The following PTPRM variants were observed in gnomAD, a reference collection of about 807,000 sequenced individuals.
The protein encoded by PTPRM is receptor-type tyrosine-protein phosphatase mu.
A neutral mutation model predicts 186.7 loss-of-function variants in PTPRM; 47 were observed. That is an observed-to-expected ratio of 0.25 (90% CI 0.20 to 0.32). PTPRM has a LOEUF of 0.32. PTPRM is among the 10% of genes least tolerant of loss of function. The pLI is 1.00. For missense variants in PTPRM, 1,494 were observed against 1,865.0 expected, an observed-to-expected ratio of 0.80 and a Z score of 3.66; for synonymous variants, 668 against 674.9, an observed-to-expected ratio of 0.99 and a Z score of 0.16.
chr18:7,853,624 C>G (rs2046966113), intron 2 of PTPRM, among the ~76,000 whole-genome samples: 1 of 152,164 alleles, frequency 6.6e-6, no homozygotes, highest in Non-Finnish European at 1.5e-5. Context: ...CTCTTCTTCT[C>G]AAACAGTTAT....
intron 1 of PTPRM, among the ~76,000 whole-genome samples, chr18:7,753,947 C>T (rs1262509322): frequency 6.6e-6 from 1 of 152,026 alleles, no homozygotes; most frequent in African/African-American, 2.4e-5. Flanking sequence ...ACTTTTGACC[C>T]ATCTCCTCCT....
At position 7,944,620 on chromosome 18, in the gene PTPRM, G is replaced by T. The variant is rs1445152795; in HGVS notation, c.664-4561G>T. On this transcript the variant is annotated intron_variant, in intron 5 of 32. Transcript: ENST00000580170. ...CTTCTGTTCTTGCCATATGGGATAA[G>T]TTATACTTCCCTTAGAGTTCCCCTA... 1.7e-4 allele frequency among the ~76,000 whole-genome samples: 26 copies of T among 152,276 alleles called. No homozygotes were observed. In the East Asian group the frequency reaches 2.9e-3, roughly 17 times the overall value.
chr18:8,073,069 T>A (rs1228970334), intron 8 of PTPRM, among the ~76,000 whole-genome samples: 1 of 152,176 alleles, frequency 6.6e-6, no homozygotes, highest in African/African-American at 2.4e-5. Context: ...CCTAACATGA[T>A]TTTGAATACC....
chr18:8,203,369 GT>G (rs141517714), intron 14 of PTPRM, among the ~76,000 whole-genome samples: 20,060 of 152,190 alleles, frequency 0.13, 1,726 homozygotes, highest in Middle Eastern at 0.34. Context: ...AATTTCGGAA[GT>G]TTTTGTAGAA....
At chr18:8,153,343 T>G (rs2093053126) in intron 14 of PTPRM, among the ~76,000 whole-genome samples, 6 of 152,186 alleles carry the variant, frequency 3.9e-5, no homozygotes, top group Admixed American at 3.9e-4. Flanking sequence ...TGATTCTACC[T>G]GGGTCTCTCT....
At chr18:8,264,102 A>T (rs1271023713) in intron 19 of PTPRM, among the ~76,000 whole-genome samples, 2 of 152,168 alleles carry the variant, frequency 1.3e-5, no homozygotes, top group Non-Finnish European at 2.9e-5. Context: ...AGCGAATGAG[A>T]GGAAACAGAG....
chr18:7,989,891 C>G (rs929982419), intron 7 of PTPRM, among the ~76,000 whole-genome samples: 2 of 152,128 alleles, frequency 1.3e-5, no homozygotes, highest in South Asian at 4.2e-4. Context: ...TTTTGCCTGA[C>G]ATTTTCTTCC....
intron 1 of PTPRM, among the ~76,000 whole-genome samples, chr18:7,707,945 A>G (rs974660674): frequency 1.3e-5 from 2 of 152,202 alleles, no homozygotes; most frequent in Non-Finnish European, 2.9e-5. Flanking sequence ...TGATCCCAAA[A>G]GTTGACATTC....
intron 14 of PTPRM, among the ~76,000 whole-genome samples, chr18:8,211,298 C>T (rs1258357442): frequency 6.7e-6 from 1 of 149,664 alleles, no homozygotes; most frequent in East Asian, 2.0e-4. Flanking sequence ...GTCTCAGTGG[C>T]ACAGTCATCT....
At chr18:7,653,910 C>A (rs181518001) in intron 1 of PTPRM, among the ~76,000 whole-genome samples, 4 of 152,250 alleles carry the variant, frequency 2.6e-5, no homozygotes, top group African/African-American at 4.8e-5. Flanking sequence ...TCCACAATGG[C>A]TGAACTGATT....
intron 13 of PTPRM, among the ~76,000 whole-genome samples, chr18:8,121,227 G>A (rs1322075647): frequency 6.6e-6 from 1 of 152,064 alleles, no homozygotes. Context: ...TGGTGCAGAG[G>A]GATATTTCAA....
At chr18:7,606,633 A>G (rs1341468002) in intron 1 of PTPRM, among the ~76,000 whole-genome samples, 1 of 152,182 alleles carries the variant, frequency 6.6e-6, no homozygotes, top group African/African-American at 2.4e-5. Context: ...CGTGATGGTG[A>G]CTTACAGGTC....
chr18:7,905,538 C>A (rs2049933948), intron 3 of PTPRM, among the ~76,000 whole-genome samples: 1 of 152,170 alleles, frequency 6.6e-6, no homozygotes, highest in South Asian at 2.1e-4. Flanking sequence ...TATTAATAGG[C>A]TATCTTTCCT....
chr18:7,835,090 T>C (rs2045974171), intron 2 of PTPRM, among the ~76,000 whole-genome samples: 1 of 151,326 alleles, frequency 6.6e-6, no homozygotes, highest in African/African-American at 2.4e-5. Context: ...ATATTCTTTA[T>C]TTCAGTGTCA....
At chr18:7,800,406 G>A (rs955827179) in intron 2 of PTPRM, among the ~76,000 whole-genome samples, 1 of 152,194 alleles carries the variant, frequency 6.6e-6, no homozygotes, top group Non-Finnish European at 1.5e-5. Context: ...GCAATGGTAA[G>A]CTCTTACTAC....
intron 14 of PTPRM, among the ~76,000 whole-genome samples, chr18:8,170,415 T>TGA (rs2093381993): frequency 1.3e-5 from 2 of 152,032 alleles, no homozygotes; most frequent in Admixed American, 6.6e-5. Flanking sequence ...GTAAATGAGC[T>TGA]GAGCGTTTGT....
chr18:7,623,432 G>C (rs1490296900), intron 1 of PTPRM, among the ~76,000 whole-genome samples: 1 of 152,054 alleles, frequency 6.6e-6, no homozygotes, highest in Non-Finnish European at 1.5e-5. Flanking sequence ...TATTATACAT[G>C]TGTACTTACT....
At chr18:8,405,970 C>G in intron 32 of PTPRM, 139 bp from the exon 33 acceptor site, 1 of 785,480 alleles carries the variant, frequency 1.3e-6, no homozygotes, top group Non-Finnish European at 2.2e-6. Flanking sequence ...AGTTCAGAAC[C>G]GTGACTTTCT....
intron 1 of PTPRM, among the ~76,000 whole-genome samples, chr18:7,595,076 C>T (rs2037222708): frequency 6.6e-6 from 1 of 152,174 alleles, no homozygotes; most frequent in Admixed American, 6.5e-5. Flanking sequence ...CCTTCAGTGA[C>T]TTGCTAGGCC....
Sources: allele counts gnomAD v4.1 joint callset (sites outside exome capture counted in the v4.1 genomes callset), GRCh38; gene constraint gnomAD v4.1.1; transcripts MANE v1.5; gene names NCBI Gene and HGNC (gene_info 2026-07-23, HGNC 2026-07-21).